ZNF609: variants seen among roughly 807,000 people sequenced by gnomAD.
The protein encoded by ZNF609 is zinc finger protein 609.
In ZNF609, 11 loss-of-function variants were observed where a neutral mutation model predicts 109.5. The ratio of observed to expected loss-of-function variants is 0.10; its 90% CI spans 0.06 to 0.17. The LOEUF is 0.17. Among genes scored for constraint, ZNF609 ranks in the 10% least tolerant of loss-of-function variants. The pLI, the probability that ZNF609 is intolerant of heterozygous loss-of-function variation, is 1.00. For synonymous variants in ZNF609, 646 were observed against 662.0 expected, an observed-to-expected ratio of 0.98 and a Z score of 0.37; for missense variants, 1,559 against 1,772.4, an observed-to-expected ratio of 0.88 and a Z score of 2.16.
At chr15:64,660,973 G>A (rs1361963196) in intron 3 of ZNF609, among the ~76,000 whole-genome samples, 2 of 151,910 alleles carry the variant, frequency 1.3e-5, no homozygotes, top group African/African-American at 4.8e-5. Context: ...TTGTTTGTTT[G>A]TTGAGACCGG....
intron 2 of ZNF609, among the ~76,000 whole-genome samples, chr15:64,503,859 C>T (rs192249832): frequency 6.6e-6 from 1 of 152,212 alleles, no homozygotes; most frequent in Non-Finnish European, 1.5e-5. Flanking sequence ...GCTCTTTGCT[C>T]TTTCAACTTC....
At chr15:64,582,628 G>A (rs1895123524) in intron 2 of ZNF609, among the ~76,000 whole-genome samples, 2 of 150,414 alleles carry the variant, frequency 1.3e-5, no homozygotes, top group Admixed American at 1.3e-4. Context: ...TGAAAAAACT[G>A]TTCTGCCTGT....
At chr15:64,609,490 T>A (rs958998234) in intron 2 of ZNF609, among the ~76,000 whole-genome samples, 3 of 150,962 alleles carry the variant, frequency 2.0e-5, no homozygotes, top group African/African-American at 7.3e-5. Context: ...CGTATTTTTT[T>A]ATAGAGACGG....
chr15:64,475,545 C>T (rs1280972562), intron 1 of ZNF609, among the ~76,000 whole-genome samples: 4 of 151,862 alleles, frequency 2.6e-5, no homozygotes, highest in African/African-American at 7.3e-5. Context: ...CCCGCCACCG[C>T]GCCTGGCTAA....
chr15:64,513,330 A>G (rs1289266911), intron 2 of ZNF609, among the ~76,000 whole-genome samples: 1 of 152,242 alleles, frequency 6.6e-6, no homozygotes, highest in Non-Finnish European at 1.5e-5. Flanking sequence ...TTTAGATAAA[A>G]TATGCCATAA....
chr15:64,552,173 G>T (rs8036775), intron 2 of ZNF609, among the ~76,000 whole-genome samples: 36,506 of 151,858 alleles, frequency 0.24, 7,121 homozygotes, highest in African/African-American at 0.53. Context: ...TTCTTAATTT[G>T]GAAGTTTAGT....
chr15:64,612,842 C>CT (rs1239954473), intron 2 of ZNF609, among the ~76,000 whole-genome samples: 5 of 151,720 alleles, frequency 3.3e-5, no homozygotes, highest in Non-Finnish European at 7.4e-5. Flanking sequence ...TGGTGAAACT[C>CT]TGTCTCTACT....
intron 2 of ZNF609, among the ~76,000 whole-genome samples, chr15:64,602,725 T>C (rs1402405269): frequency 1.7e-5 from 2 of 119,930 alleles, no homozygotes; most frequent in Non-Finnish European, 3.5e-5. Context: ...TCTTTTTTTT[T>C]TTTTTTTTTT....
chr15:64,472,915 G>A (rs932401217), intron 1 of ZNF609, among the ~76,000 whole-genome samples: 1 of 152,138 alleles, frequency 6.6e-6, no homozygotes, highest in African/African-American at 2.4e-5. Flanking sequence ...GAAATTCGGT[G>A]TAAAGCTCAG....
At position 64,680,242 on chromosome 15, in the gene ZNF609, G is replaced by A. The variant is rs1896862987; in HGVS notation, c.3827G>A (p.Gly1276Asp). Residue 1276 changes from glycine to aspartate, a missense_variant, in exon 7 of 10, where the codon GGT becomes GAT. Physicochemically the swap from Gly to Asp is moderately conservative, Grantham distance 94. This residue lies in a region of ZNF609 where 1,204 missense variants were observed against 1,314.1 expected (regional missense o/e 0.92). Transcript: ENST00000326648. ...CCATATGGCAGCAAGGTCTCAGGTG[G>A]TGAAGATGCTGACAAGGCACGAGCC... ...FSPYGSKVSG[G>D]EDADKARASP... is the part of the protein sequence containing the mutation. 1.2e-6 allele frequency: 2 copies of A among 1,613,986 alleles called. No homozygotes were observed. The highest frequency in any genetic ancestry group is 2.7e-5 in the African/African-American group (2 of 74,892).
intron 2 of ZNF609, among the ~76,000 whole-genome samples, chr15:64,537,400 C>T (rs1338472112): frequency 6.6e-6 from 1 of 151,468 alleles, no homozygotes; most frequent in Non-Finnish European, 1.5e-5. Flanking sequence ...ACTCGGGAGG[C>T]TGAGCCAGGA....
chr15:64,639,896 G>A (rs1896228353), intron 3 of ZNF609, among the ~76,000 whole-genome samples: 1 of 152,034 alleles, frequency 6.6e-6, no homozygotes, highest in South Asian at 2.1e-4. Context: ...ACTGTTACTG[G>A]GTTGAGTTCC....
intron 1 of ZNF609, among the ~76,000 whole-genome samples, chr15:64,490,474 A>G (rs989029332): frequency 1.3e-5 from 2 of 151,902 alleles, no homozygotes; most frequent in Non-Finnish European, 2.9e-5. Flanking sequence ...GGGTTTCTCC[A>G]TGTTGGTCAG....
chr15:64,614,133 C>G (rs1895761022), intron 2 of ZNF609, among the ~76,000 whole-genome samples: 1 of 151,730 alleles, frequency 6.6e-6, no homozygotes, highest in Admixed American at 6.6e-5. Flanking sequence ...GTTGGCCGGG[C>G]TACTCTCGAA....
chr15:64,528,726 C>T (rs931159952), intron 2 of ZNF609: 13 of 1,061,310 alleles, frequency 1.2e-5, no homozygotes, highest in Non-Finnish European at 1.9e-5. Context: ...TAGCCAAATT[C>T]ATTGTCATAC....
chr15:64,586,741 G>A (rs970987201), intron 2 of ZNF609, among the ~76,000 whole-genome samples: 9 of 152,168 alleles, frequency 5.9e-5, no homozygotes, highest in East Asian at 1.9e-4. Flanking sequence ...AGGAATACTC[G>A]GTAGAATGAT....
chr15:64,661,804 T>G (rs1183954259), intron 3 of ZNF609, among the ~76,000 whole-genome samples: 1 of 152,240 alleles, frequency 6.6e-6, no homozygotes, highest in South Asian at 2.1e-4. Flanking sequence ...ACTTCAATAC[T>G]TCACAGAATG....
chr15:64,501,711 A>T (rs1230418136), intron 2 of ZNF609: 1 of 152,132 alleles, frequency 6.6e-6, no homozygotes, highest in African/African-American at 2.4e-5. Context: ...ATTCATAATC[A>T]TTATTCTTCC....
chr15:64,627,986 A>G (rs1402022749), intron 3 of ZNF609, among the ~76,000 whole-genome samples: 5 of 149,948 alleles, frequency 3.3e-5, no homozygotes, highest in Admixed American at 3.3e-4. Context: ...ATAAAAATCT[A>G]TGCAGGCCAG....
Sources: allele counts gnomAD v4.1 joint callset (sites outside exome capture counted in the v4.1 genomes callset), GRCh38; gene constraint gnomAD v4.1.1; regional missense constraint gnomAD v4.1.1; transcripts MANE v1.5; gene names NCBI Gene and HGNC (gene_info 2026-07-23, HGNC 2026-07-21).